EPHB1: variants seen among roughly 807,000 people sequenced by gnomAD.
EPHB1 encodes the protein EPH receptor B1.
A neutral mutation model predicts 94.4 loss-of-function variants in EPHB1; 30 were observed. The observed-to-expected ratio is 0.32, with a 90% CI of 0.24 to 0.43. The LOEUF is 0.43. EPHB1 is among the 20% of genes least tolerant of loss of function. EPHB1 has a pLI of 1.00. For missense variants in EPHB1, 1,055 were observed against 1,308.3 expected, an observed-to-expected ratio of 0.81 and a Z score of 2.99; for synonymous variants, 522 against 489.1, an observed-to-expected ratio of 1.07 and a Z score of -0.89.
chr3:135,211,335 A>T (rs553062014), intron 12 of EPHB1, among the ~76,000 whole-genome samples: 2 of 152,322 alleles, frequency 1.3e-5, no homozygotes, highest in South Asian at 4.1e-4. Context: ...ATTTTAAAGA[A>T]ATCAAGAGGA....
chr3:134,899,374 A>G (rs999383153), intron 1 of EPHB1, among the ~76,000 whole-genome samples: 1 of 152,056 alleles, frequency 6.6e-6, no homozygotes, highest in East Asian at 1.9e-4. Flanking sequence ...AAGATTCTAC[A>G]CTGGGCAGCT....
chr3:135,182,695 A>G (rs528759396), intron 10 of EPHB1, among the ~76,000 whole-genome samples: 3 of 148,628 alleles, frequency 2.0e-5, no homozygotes, highest in Admixed American at 1.4e-4. Flanking sequence ...GTAAGTTTTT[A>G]TGAGGCGTAT....
At chr3:134,827,078 G>A (rs1207789801) in intron 1 of EPHB1, among the ~76,000 whole-genome samples, 1 of 152,238 alleles carries the variant, frequency 6.6e-6, no homozygotes, top group Non-Finnish European at 1.5e-5. Context: ...CCTGCATCAA[G>A]TACAAACACC....
intron 3 of EPHB1, among the ~76,000 whole-genome samples, chr3:135,054,392 T>G (rs1393238955): frequency 6.6e-6 from 1 of 152,082 alleles, no homozygotes; most frequent in Non-Finnish European, 1.5e-5. Context: ...TATTCCTTTA[T>G]CCAGCTGTAT....
At chr3:135,140,584 T>C (rs1037684721) in intron 5 of EPHB1, among the ~76,000 whole-genome samples, 1 of 152,206 alleles carries the variant, frequency 6.6e-6, no homozygotes, top group African/African-American at 2.4e-5. Flanking sequence ...GGAGCTGTGA[T>C]TGCAGTTACC....
At chr3:135,245,597 A>T (rs1184739559) in intron 13 of EPHB1, among the ~76,000 whole-genome samples, 1 of 151,138 alleles carries the variant, frequency 6.6e-6, no homozygotes, top group Non-Finnish European at 1.5e-5. Context: ...CACGGGGTCA[A>T]GAGATTGAGA....
chr3:135,172,430 C>A (rs531083201), intron 9 of EPHB1, among the ~76,000 whole-genome samples: 11 of 152,306 alleles, frequency 7.2e-5, no homozygotes, highest in African/African-American at 2.6e-4. Context: ...TGTTCCTATT[C>A]AAGCAGAGAC....
chr3:135,151,128 T>A (rs1364628216), intron 5 of EPHB1, among the ~76,000 whole-genome samples: 2 of 152,232 alleles, frequency 1.3e-5, no homozygotes, highest in Non-Finnish European at 2.9e-5. Context: ...AGTGCTGTGA[T>A]TGGCTTCCTG....
At chr3:135,210,504 G>A (rs946690445) in intron 12 of EPHB1, among the ~76,000 whole-genome samples, 1 of 152,196 alleles carries the variant, frequency 6.6e-6, no homozygotes, top group Non-Finnish European at 1.5e-5. Context: ...CCTGGTTCTG[G>A]ACATGAAGGA....
chr3:135,256,507 G>A (rs1000323773), intron 15 of EPHB1, among the ~76,000 whole-genome samples: 1 of 152,060 alleles, frequency 6.6e-6, no homozygotes, highest in Non-Finnish European at 1.5e-5. Flanking sequence ...TGAAATTCTG[G>A]GTTGAAAATT....
chr3:134,860,172 G>GACACACACACACACACACAC (rs71139560), intron 1 of EPHB1, among the ~76,000 whole-genome samples: 11 of 139,140 alleles, frequency 7.9e-5, no homozygotes, highest in South Asian at 2.5e-4. Flanking sequence ...CACACACACA[G>GACACACACACACACACACAC]ACACACACAC....
intron 9 of EPHB1, among the ~76,000 whole-genome samples, chr3:135,175,585 A>G (rs1269576906): frequency 6.6e-6 from 1 of 152,196 alleles, no homozygotes; most frequent in Non-Finnish European, 1.5e-5. Context: ...GTACTAATAA[A>G]CAGCAGTTTA....
At chr3:134,993,222 C>G (rs768004594) in intron 3 of EPHB1, among the ~76,000 whole-genome samples, 5 of 152,218 alleles carry the variant, frequency 3.3e-5, no homozygotes, top group Non-Finnish European at 7.3e-5. Context: ...AAAGCAAGGC[C>G]TGGGAAGCAA....
intron 9 of EPHB1, among the ~76,000 whole-genome samples, chr3:135,178,230 G>GGC (rs777122038): frequency 5.4e-5 from 8 of 148,002 alleles, no homozygotes; most frequent in Non-Finnish European, 8.9e-5. Flanking sequence ...GGGGAGGGGG[G>GGC]GTGGATCATG....
intron 1 of EPHB1, among the ~76,000 whole-genome samples, chr3:134,900,317 G>A (rs1437753389): frequency 6.6e-6 from 1 of 152,136 alleles, no homozygotes; most frequent in East Asian, 1.9e-4. Flanking sequence ...TGTGCTTGCT[G>A]GCTGCTCATT....
chr3:134,871,377 G>T (rs917587119), intron 1 of EPHB1, among the ~76,000 whole-genome samples: 1 of 152,140 alleles, frequency 6.6e-6, no homozygotes, highest in African/African-American at 2.4e-5. Flanking sequence ...GGCACCTGGG[G>T]TGAGGGAGTG....
At chr3:135,046,437 T>A (rs1321313126) in intron 3 of EPHB1, among the ~76,000 whole-genome samples, 1 of 152,148 alleles carries the variant, frequency 6.6e-6, no homozygotes, top group Non-Finnish European at 1.5e-5. Flanking sequence ...ATGAATGGGA[T>A]AATGCATGTT....
At chr3:135,130,060 G>A (rs979776233) in intron 4 of EPHB1, among the ~76,000 whole-genome samples, 2 of 152,178 alleles carry the variant, frequency 1.3e-5, no homozygotes, top group African/African-American at 2.4e-5. Context: ...AGAACGCTAT[G>A]ACTCCATGTG....
At chr3:135,195,989 A>G (rs1277228915) in intron 11 of EPHB1, among the ~76,000 whole-genome samples, 1 of 117,772 alleles carries the variant, frequency 8.5e-6, no homozygotes, top group African/African-American at 3.3e-5. Flanking sequence ...CATCCTCTCC[A>G]GCACCTGTTG....
Sources: gnomAD v4.1 joint callset for allele counts (sites outside exome capture counted in the v4.1 genomes callset) on GRCh38, gnomAD v4.1.1 for gene constraint, MANE v1.5 for transcripts, NCBI Gene and HGNC (gene_info 2026-07-23, HGNC 2026-07-21) for gene names.